Variants in FRMPD4 observed in about 807,000 individuals in gnomAD.
FRMPD4 encodes FERM and PDZ domain-containing protein 4.
FRMPD4 carries 22 observed loss-of-function variants against 94.1 expected under a neutral mutation model. The observed-to-expected ratio is 0.23, with a 90% CI of 0.17 to 0.33. The LOEUF (loss-of-function observed/expected upper bound fraction) is 0.33, where lower values mean the gene tolerates loss of function less well. Ranked by LOEUF, FRMPD4 falls within the 10% of genes least tolerant of loss-of-function variation. FRMPD4 has a pLI of 1.00. For missense variants in FRMPD4, 1,111 were observed against 1,339.9 expected, an observed-to-expected ratio of 0.83 and a Z score of 2.67; for synonymous variants, 631 against 548.6, an observed-to-expected ratio of 1.15 and a Z score of -2.10.
chrX:12,198,671 G>A (rs937241539), intron 1 of FRMPD4, among the ~76,000 whole-genome samples: 4 of 111,910 alleles, frequency 3.6e-5, no homozygotes, highest in Non-Finnish European at 3.8e-5. Context: ...GATTGGTTTT[G>A]CATTTCTTTG....
intron 1 of FRMPD4, among the ~76,000 whole-genome samples, chrX:12,212,697 A>G (rs2056767561): frequency 8.9e-6 from 1 of 112,076 alleles, no homozygotes; most frequent in Admixed American, 9.4e-5. Flanking sequence ...AATGAGTCAA[A>G]AATTCATACC....
chrX:12,720,065 A>AG (rs1194310814), intron 16 of FRMPD4, among the ~76,000 whole-genome samples: 3 of 107,841 alleles, frequency 2.8e-5, no homozygotes, highest in African/African-American at 7.0e-5. Flanking sequence ...AAAGAAAGAA[A>AG]GAAAGAAAGA....
chrX:12,507,999 T>C (rs1042198802), intron 2 of FRMPD4, among the ~76,000 whole-genome samples: 15 of 112,063 alleles, frequency 1.3e-4, no homozygotes, highest in Non-Finnish European at 2.3e-4. Flanking sequence ...GAATGCTGAA[T>C]ACAAGTGCAA....
intron 4 of FRMPD4, among the ~76,000 whole-genome samples, chrX:12,645,472 C>G (rs967965076): frequency 3.8e-5 from 4 of 106,086 alleles, no homozygotes; most frequent in African/African-American, 1.4e-4. Context: ...TCTCCTGCCT[C>G]AGCCTCCCGA....
chrX:12,091,515 T>C (rs1456806721), intron 3 of FRMPD4, among the ~76,000 whole-genome samples: 2 of 112,449 alleles, frequency 1.8e-5, no homozygotes, highest in Non-Finnish European at 3.8e-5. Context: ...GCCATGGTTT[T>C]CCTATCCCTG....
At chrX:12,627,031 T>A (rs2059353192) in intron 4 of FRMPD4, among the ~76,000 whole-genome samples, 2 of 110,368 alleles carry the variant, frequency 1.8e-5, no homozygotes, top group Non-Finnish European at 3.8e-5. Flanking sequence ...ATCCCAGCAC[T>A]TTGGGAGGCC....
At chrX:12,521,909 TAA>T (rs59419702) in intron 2 of FRMPD4, among the ~76,000 whole-genome samples, 99 of 101,495 alleles carry the variant, frequency 9.8e-4, no homozygotes, top group African/African-American at 3.5e-3. Context: ...TGAAGAAAGA[TAA>T]AAAAAAAAAA....
intron 1 of FRMPD4, among the ~76,000 whole-genome samples, chrX:12,234,410 C>T (rs952084592): frequency 9.0e-6 from 1 of 111,337 alleles, no homozygotes; most frequent in African/African-American, 3.3e-5. Context: ...TTAGAACCTC[C>T]AAAGTACAGA....
intron 3 of FRMPD4, among the ~76,000 whole-genome samples, chrX:12,009,048 C>T (rs1356231114): frequency 9.0e-6 from 1 of 111,576 alleles, no homozygotes; most frequent in Non-Finnish European, 1.9e-5. Context: ...GTAACACCTC[C>T]TAGAGGCTTA....
chrX:12,642,832 A>G (rs1259288030), intron 4 of FRMPD4, among the ~76,000 whole-genome samples: 2 of 112,340 alleles, frequency 1.8e-5, no homozygotes, highest in African/African-American at 6.5e-5. Flanking sequence ...GAGCTCCAGA[A>G]GTCTAGGCTG....
intron 1 of FRMPD4, among the ~76,000 whole-genome samples, chrX:12,380,527 A>C (rs2056304101): frequency 8.9e-6 from 1 of 112,277 alleles, no homozygotes; most frequent in Non-Finnish European, 1.9e-5. Flanking sequence ...AACTTGGATG[A>C]GCAATTTAGT....
At chrX:12,599,317 CAT>C (rs1289578584) in intron 2 of FRMPD4, among the ~76,000 whole-genome samples, 1 of 107,325 alleles carries the variant, frequency 9.3e-6, no homozygotes, top group African/African-American at 3.6e-5. Context: ...AAAAAAAAAA[CAT>C]ATGAGTAATC....
At chrX:11,841,424 T>G (rs1158041265) in intron 1 of FRMPD4, among the ~76,000 whole-genome samples, 27 of 108,479 alleles carry the variant, frequency 2.5e-4, no homozygotes, top group African/African-American at 8.7e-4. Context: ...TCCTGACTTT[T>G]TAATGATTGC....
chrX:12,217,619 G>A (rs1374989325), intron 1 of FRMPD4, among the ~76,000 whole-genome samples: 5 of 112,209 alleles, frequency 4.5e-5, no homozygotes, highest in Admixed American at 1.9e-4. Flanking sequence ...TTTTGGTTAT[G>A]TCTTTCCCAC....
chrX:11,901,763 T>A (rs1348843063), intron 3 of FRMPD4, among the ~76,000 whole-genome samples: 2 of 112,057 alleles, frequency 1.8e-5, no homozygotes, highest in Non-Finnish European at 3.8e-5. Context: ...ATCTTTTTTT[T>A]TTCTTTTTTA....
At chrX:12,027,744 T>C (rs1231977608) in intron 3 of FRMPD4, among the ~76,000 whole-genome samples, 3 of 112,564 alleles carry the variant, frequency 2.7e-5, no homozygotes, top group Non-Finnish European at 5.6e-5. Flanking sequence ...GTAAAACTAA[T>C]ATCTGGGTTA....
chrX:11,949,624 A>G (rs1310944993), intron 3 of FRMPD4, among the ~76,000 whole-genome samples: 2 of 111,384 alleles, frequency 1.8e-5, no homozygotes, highest in Non-Finnish European at 3.8e-5. Context: ...GGGAAGTGGA[A>G]TGTTTTTCCT....
At chrX:11,950,203 AC>A (rs1298259603) in intron 3 of FRMPD4, among the ~76,000 whole-genome samples, 11 of 111,625 alleles carry the variant, frequency 9.9e-5, no homozygotes, top group African/African-American at 3.3e-4. Context: ...CTGTCCTGCC[AC>A]CCTGTGAAGA....
At chrX:12,647,364 G>A (rs1217727674) in intron 4 of FRMPD4, among the ~76,000 whole-genome samples, 3 of 112,053 alleles carry the variant, frequency 2.7e-5, no homozygotes, top group Non-Finnish European at 5.6e-5. Context: ...ATCCTCTTGG[G>A]GAGTTCCAGG....
Sources: allele counts gnomAD v4.1 joint callset (sites outside exome capture counted in the v4.1 genomes callset), GRCh38; gene constraint gnomAD v4.1.1; transcripts MANE v1.5; gene names NCBI Gene and HGNC (gene_info 2026-07-23, HGNC 2026-07-21).